Variants in MCTP1 observed in about 807,000 individuals in gnomAD.
MCTP1 encodes multiple C2 and transmembrane domain containing 1.
Under a neutral mutation model 120.6 loss-of-function variants are expected in MCTP1, and 69 were observed. The ratio of observed to expected loss-of-function variants is 0.57; its 90% CI spans 0.47 to 0.70. MCTP1 has a LOEUF of 0.70. Among genes scored for constraint, MCTP1 ranks in the 30% least tolerant of loss-of-function variants. MCTP1 has a pLI of 0.00. For missense variants in MCTP1, 1,203 were observed against 1,248.8 expected (o/e 0.96, Z 0.55); for synonymous variants, 529 against 493.1 (o/e 1.07, Z -0.96).
intron 19 of MCTP1, among the ~76,000 whole-genome samples, chr5:94,747,006 C>G (rs1230632578): frequency 1.3e-5 from 2 of 152,200 alleles, no homozygotes; most frequent in Non-Finnish European, 2.9e-5. Flanking sequence ...CCTTCAAAGT[C>G]TAGCTCAAGT....
At chr5:95,076,754 A>G (rs1753681445) in intron 1 of MCTP1, among the ~76,000 whole-genome samples, 1 of 152,132 alleles carries the variant, frequency 6.6e-6, no homozygotes, top group African/African-American at 2.4e-5. Flanking sequence ...AAAATATGCT[A>G]TTTTGTTTAG....
intron 3 of MCTP1, among the ~76,000 whole-genome samples, chr5:94,950,170 T>C (rs2153526448): frequency 6.6e-6 from 1 of 152,256 alleles, no homozygotes; most frequent in East Asian, 1.9e-4. Flanking sequence ...TATAATAAAG[T>C]GACATCATTT....
intron 19 of MCTP1, among the ~76,000 whole-genome samples, chr5:94,764,915 C>A (rs1411148638): frequency 5.3e-5 from 8 of 151,244 alleles, no homozygotes; most frequent in Admixed American, 5.3e-4. Context: ...GCTTTATAGA[C>A]CATTTAATCG....
chr5:95,251,110 C>T lies in MCTP1; in HGVS notation c.720+32746G>A, dbSNP rs951979686. Among the ~76,000 whole-genome samples, 4 of 152,014 alleles carry T rather than the reference C, an allele frequency of 2.6e-5. No homozygotes were observed. The South Asian group carries it at 6.2e-4, about 24-fold the overall frequency. On this transcript the variant is annotated intron_variant, in intron 1 of 22. Coordinates refer to ENST00000515393, the MANE Select transcript of MCTP1 (RefSeq NM_024717.7). ...CGAGAATTTCGGACAGAGACAAGTG[C>T]TATAAAACAGCAGAAGCAAGAAAGA...
intron 1 of MCTP1, among the ~76,000 whole-genome samples, chr5:95,185,369 T>C (rs1165235271): frequency 6.6e-6 from 1 of 152,238 alleles, no homozygotes; most frequent in Non-Finnish European, 1.5e-5. Context: ...AATGCTGGTT[T>C]AATATTTGGA....
rs182458824 is a variant in MCTP1, at chr5:94,950,002, A to C, written c.981+3217T>G. 1.3e-3 allele frequency among the ~76,000 whole-genome samples: 205 copies of C among 152,300 alleles called. 1 individual carries two copies. The highest frequency in any genetic ancestry group is 3.4e-3 in the Middle Eastern group (1 of 294). On this transcript the variant is annotated intron_variant, in intron 3 of 22. Coordinates refer to ENST00000515393, the MANE Select transcript of MCTP1 (RefSeq NM_024717.7). ...TTCTTCCCCTAAGATGAGGCAAAAA[A>C]TGGAACACAAATAATGGAAAAAATA... is the stretch of plus-strand genomic sequence containing the variant.
intron 10 of MCTP1, among the ~76,000 whole-genome samples, chr5:94,903,511 T>A (rs1457267971): frequency 6.6e-6 from 1 of 152,212 alleles, no homozygotes; most frequent in African/African-American, 2.4e-5. Flanking sequence ...AGCCATAGAT[T>A]TATTTTTATG....
At chr5:95,254,631 G>T (rs552350473) in intron 1 of MCTP1, among the ~76,000 whole-genome samples, 1 of 152,184 alleles carries the variant, frequency 6.6e-6, no homozygotes, top group South Asian at 2.1e-4. Context: ...TGTAGACATG[G>T]ATACTATGTT....
intron 1 of MCTP1, among the ~76,000 whole-genome samples, chr5:95,077,086 A>G (rs1177184827): frequency 6.6e-6 from 1 of 152,188 alleles, no homozygotes; most frequent in Non-Finnish European, 1.5e-5. Flanking sequence ...TGCCAAATAA[A>G]TTTTGATTCC....
At chr5:95,233,919 T>G (rs77875182) in intron 1 of MCTP1, among the ~76,000 whole-genome samples, 1,879 of 149,896 alleles carry the variant, frequency 0.013, 42 homozygotes, top group African/African-American at 0.042. Flanking sequence ...CACAGAAAAC[T>G]GAAAAACAGT....
chr5:94,722,916 T>C (rs189284676), intron 19 of MCTP1, among the ~76,000 whole-genome samples: 2 of 152,290 alleles, frequency 1.3e-5, no homozygotes, highest in Admixed American at 1.3e-4. Flanking sequence ...TCTAGTTCAC[T>C]TAGTCAGGTG....
chr5:95,142,202 A>C (rs1299291348), intron 1 of MCTP1, among the ~76,000 whole-genome samples: 1 of 152,186 alleles, frequency 6.6e-6, no homozygotes, highest in Non-Finnish European at 1.5e-5. Context: ...AGGGATTTTA[A>C]CAACACAGAT....
intron 3 of MCTP1, among the ~76,000 whole-genome samples, chr5:94,951,998 GC>G (rs1374689724): frequency 4.6e-5 from 7 of 151,608 alleles, no homozygotes; most frequent in African/African-American, 1.5e-4. Flanking sequence ...ATGGTGAAAT[GC>G]CATCTCTACT....
chr5:95,248,547 A>G (rs1757054220), intron 1 of MCTP1, among the ~76,000 whole-genome samples: 1 of 152,222 alleles, frequency 6.6e-6, no homozygotes, highest in Non-Finnish European at 1.5e-5. Flanking sequence ...GGAACATTCC[A>G]TGCTCATGGA....
chr5:95,136,412 G>A (rs1759450061), intron 1 of MCTP1, among the ~76,000 whole-genome samples: 1 of 152,200 alleles, frequency 6.6e-6, no homozygotes, highest in South Asian at 2.1e-4. Context: ...GAGATGTTAA[G>A]TTAAGCTATC....
chr5:94,738,778 CG>C, intron 19 of MCTP1, among the ~76,000 whole-genome samples: 1 of 152,238 alleles, frequency 6.6e-6, no homozygotes, highest in East Asian at 1.9e-4. Context: ...ACCTTGAGGA[CG>C]GCGATTGTTG....
chr5:95,094,502 C>T (rs1314934065), intron 1 of MCTP1, among the ~76,000 whole-genome samples: 1 of 152,134 alleles, frequency 6.6e-6, no homozygotes, highest in Non-Finnish European at 1.5e-5. Context: ...AACAATACTG[C>T]TTTTTTCCCT....
chr5:95,087,531 C>G (rs1053074921), intron 1 of MCTP1, among the ~76,000 whole-genome samples: 2 of 152,138 alleles, frequency 1.3e-5, no homozygotes, highest in African/African-American at 4.8e-5. Context: ...TGGATTTTTT[C>G]AAGAAAGGCT....
intron 19 of MCTP1, among the ~76,000 whole-genome samples, chr5:94,719,861 G>A (rs1488797857): frequency 3.9e-5 from 6 of 152,172 alleles, no homozygotes; most frequent in Non-Finnish European, 5.9e-5. Flanking sequence ...TGGGCCCAGT[G>A]GCTCATGCCT....
Sources: gnomAD v4.1 joint callset for allele counts (sites outside exome capture counted in the v4.1 genomes callset) on GRCh38, gnomAD v4.1.1 for gene constraint, MANE v1.5 for transcripts, NCBI Gene and HGNC (gene_info 2026-07-23, HGNC 2026-07-21) for gene names.